The following ADAM7 variants were observed in gnomAD, a reference collection of about 807,000 sequenced individuals.
ADAM7 encodes ADAM metallopeptidase domain 7, also known as disintegrin and metalloproteinase domain-containing protein 7.
ADAM7 carries 97 observed loss-of-function variants against 102.9 expected under a neutral mutation model. That is an observed-to-expected ratio of 0.94 (90% CI 0.80 to 1.12). The LOEUF is 1.12. Among genes scored for constraint, ADAM7 ranks in the 50% most tolerant of loss-of-function variants. The probability of loss-of-function intolerance (pLI) is 0.00; values close to 1 mark genes in which losing one functional copy is unlikely to be tolerated. For synonymous variants in ADAM7, 334 were observed against 304.4 expected, an observed-to-expected ratio of 1.10 and a Z score of -1.01; for missense variants, 991 against 908.7, an observed-to-expected ratio of 1.09 and a Z score of -1.16.
intron 7 of ADAM7, among the ~76,000 whole-genome samples, chr8:24,472,123 A>G (rs1433999806): frequency 6.4e-4 from 57 of 89,018 alleles, no homozygotes; most frequent in Non-Finnish European, 2.9e-4. Context: ...AAAAGATAAC[A>G]AAAAAAAAAA....
chr8:24,478,709 T>G (rs1819850688), intron 8 of ADAM7, among the ~76,000 whole-genome samples: 1 of 152,186 alleles, frequency 6.6e-6, no homozygotes, highest in African/African-American at 2.4e-5. Context: ...TTAGACAATT[T>G]CAACATGTGG....
chr8:24,452,653 TA>T (rs1427099887), intron 3 of ADAM7, among the ~76,000 whole-genome samples: 7 of 149,722 alleles, frequency 4.7e-5, no homozygotes, highest in Non-Finnish European at 1.5e-5. Flanking sequence ...CATTTACATT[TA>T]AAGTTAATAT....
At chr8:24,454,435 A>G (rs948473046) in intron 3 of ADAM7, among the ~76,000 whole-genome samples, 5 of 152,254 alleles carry the variant, frequency 3.3e-5, no homozygotes, top group African/African-American at 7.2e-5. Flanking sequence ...GCAAGACTCC[A>G]TGGGCGTAAG....
At chr8:24,470,694 G>A (rs1819575642) in intron 7 of ADAM7, among the ~76,000 whole-genome samples, 1 of 152,144 alleles carries the variant, frequency 6.6e-6, no homozygotes, top group Admixed American at 6.6e-5. Context: ...TGTGTCTGTG[G>A]TGATGCTGGT....
chr8:24,506,535 C>T (rs748265620), intron 20 of ADAM7, among the ~76,000 whole-genome samples: 10 of 151,938 alleles, frequency 6.6e-5, no homozygotes, highest in Non-Finnish European at 1.3e-4. Context: ...AAATTCTGCC[C>T]CTGAGACCAA....
At chr8:24,444,448 A>G (rs1003966393) in intron 2 of ADAM7, among the ~76,000 whole-genome samples, 1 of 151,892 alleles carries the variant, frequency 6.6e-6, no homozygotes, top group Non-Finnish European at 1.5e-5. Context: ...GAAGGGGGGA[A>G]AGAGTCATTT....
At chr8:24,496,619 C>T (rs757963336) in intron 16 of ADAM7, among the ~76,000 whole-genome samples, 1 of 152,192 alleles carries the variant, frequency 6.6e-6, no homozygotes, top group Non-Finnish European at 1.5e-5. Flanking sequence ...GGATGTGAGA[C>T]ATGGAATCAA....
chr8:24,506,045 G>A (rs781542700), intron 20 of ADAM7: 1 of 1,343,510 alleles, frequency 7.4e-7, no homozygotes, highest in South Asian at 1.3e-5. Context: ...TTCAGTATTG[G>A]TATATTTACT....
rs188881610 is a variant in ADAM7 at position 24,453,613 on chromosome 8, G to A, written c.233+6351G>A. Among the ~76,000 whole-genome samples, 254 of 152,172 alleles carry A rather than the reference G, an allele frequency of 1.7e-3. 1 individual carries two copies. The highest frequency in any genetic ancestry group is 5.8e-3 in the African/African-American group (242 of 41,518). On this transcript the variant is annotated intron_variant, in intron 3 of 21. Transcript: ENST00000175238. The stretch of plus-strand genomic sequence containing the variant: ...TGGTTTGAATTTCCTCCTGTAGCTC[G>A]GAGTAGTTTGATCGTCTGAAGCCTT...
intron 3 of ADAM7, among the ~76,000 whole-genome samples, chr8:24,462,354 A>G (rs143221038): frequency 9.2e-5 from 14 of 152,242 alleles, no homozygotes; most frequent in African/African-American, 2.9e-4. Flanking sequence ...CATTCCTGTT[A>G]CTGTGATTAC....
intron 3 of ADAM7, among the ~76,000 whole-genome samples, chr8:24,447,644 G>T (rs904703317): frequency 6.6e-6 from 1 of 152,162 alleles, no homozygotes; most frequent in Non-Finnish European, 1.5e-5. Flanking sequence ...AAGTTCCATT[G>T]CAGAGTAAAC....
chr8:24,454,312 C>G (rs757252040), intron 3 of ADAM7, among the ~76,000 whole-genome samples: 2 of 152,240 alleles, frequency 1.3e-5, no homozygotes, highest in Non-Finnish European at 2.9e-5. Context: ...CCACCCAGTT[C>G]GAGCTTCCTG....
At chr8:24,497,657 G>A (rs1288361208) in intron 16 of ADAM7, among the ~76,000 whole-genome samples, 1 of 152,040 alleles carries the variant, frequency 6.6e-6, no homozygotes, top group Non-Finnish European at 1.5e-5. Context: ...TGAAAATATA[G>A]TTAATGAAAT....
intron 2 of ADAM7, among the ~76,000 whole-genome samples, chr8:24,446,671 G>A (rs1008167168): frequency 1.3e-5 from 2 of 151,774 alleles, no homozygotes; most frequent in African/African-American, 2.4e-5. Flanking sequence ...ATCATTGAGT[G>A]CAAAGTAGAC....
At chr8:24,442,069 G>T (rs1818391714) in intron 1 of ADAM7, among the ~76,000 whole-genome samples, 1 of 152,182 alleles carries the variant, frequency 6.6e-6, no homozygotes, top group South Asian at 2.1e-4. Flanking sequence ...AGCTACTTGG[G>T]AGGCTGAGGT....
intron 16 of ADAM7, among the ~76,000 whole-genome samples, chr8:24,498,549 G>GTGTATA (rs1820637402): frequency 6.7e-6 from 1 of 148,680 alleles, no homozygotes; most frequent in Non-Finnish European, 1.5e-5. Flanking sequence ...AGGACTAAGA[G>GTGTATA]TATATATATA....
At position 24,468,796 on chromosome 8, in the gene ADAM7, G is replaced by C; in HGVS notation, c.609G>C (p.Leu203Phe). The C allele has an allele frequency of 6.2e-7, 1 of 1,613,130 alleles. No homozygotes were observed. Among genetic ancestry groups the C allele is most frequent in the Non-Finnish European group, 8.5e-7 (1 of 1,179,670 alleles). ...TCCATGATGAAAAGTATGTTGAATT[G>C]TTCATTGTTGCTGATGATACTGTGG... ...KGIHDEKYVE[L>F]FIVADDTVYR... The change falls in exon 7 of 22, where the codon TTG becomes TTC. Residue 203 changes from leucine to phenylalanine, a missense_variant. Transcript: ENST00000175238.
intron 7 of ADAM7, among the ~76,000 whole-genome samples, chr8:24,471,560 G>T (rs1209096927): frequency 6.6e-6 from 1 of 151,538 alleles, no homozygotes. Context: ...ACAATATTCA[G>T]TATAGTAACA....
chr8:24,465,706 G>T lies in ADAM7; in HGVS notation c.320G>T (p.Cys107Phe). 1 of 1,600,330 alleles carries T rather than the reference G, an allele frequency of 6.2e-7. No homozygotes were observed. The highest frequency in any genetic ancestry group is 8.5e-7 in the Non-Finnish European group (1 of 1,173,618). ...AGTCTTCTTCTATTTTAGGATCATT[G>T]TTTTTACCAAGGATCCATAGTACAC... is the stretch of plus-strand genomic sequence containing the variant. ...FTRHPQIMDH[C>F]FYQGSIVHEY... The change falls in exon 5 of 22, where the codon TGT becomes TTT. Residue 107 changes from cysteine (C) to phenylalanine (F), a missense_variant. Transcript: ENST00000175238.
Sources: gnomAD v4.1 joint callset for allele counts (sites outside exome capture counted in the v4.1 genomes callset) on GRCh38, gnomAD v4.1.1 for gene constraint, MANE v1.5 for transcripts, NCBI Gene and HGNC (gene_info 2026-07-23, HGNC 2026-07-21) for gene names.